LTF: variants seen among roughly 807,000 people sequenced by gnomAD.
The protein encoded by LTF is epididymis luminal protein 110.
LTF carries 91 observed loss-of-function variants against 87.2 expected under a neutral mutation model. That is an observed-to-expected ratio of 1.04 (90% CI 0.88 to 1.24). The LOEUF is 1.24. Among genes scored for constraint, LTF ranks in the 50% most tolerant of loss-of-function variants. The pLI, the probability that LTF is intolerant of heterozygous loss-of-function variation, is 0.00. For missense variants in LTF, 901 were observed against 904.3 expected (o/e 1.00, Z 0.05); for synonymous variants, 378 against 356.1 (o/e 1.06, Z -0.69).
At position 46,436,073 on chromosome 3, in the gene LTF, A is replaced by G. The variant is rs1233969394; in HGVS notation, c.*122T>C. ...AAGACGACAGCAGGGAATTGTAAGCAGATGGATGGGCAATCCCCACCTTCA... is the reference window on the plus strand; with the variant it reads ...AAGACGACAGCAGGGAATTGTAAGCGGATGGATGGGCAATCCCCACCTTCA... On this transcript the variant is annotated 3_prime_UTR_variant, in exon 17 of 17. Transcript: ENST00000231751. 5 of 874,512 alleles carry G rather than the reference A, an allele frequency of 5.7e-6. No homozygotes were observed. Among genetic ancestry groups the G allele is most frequent in the Admixed American group, 2.0e-5 (1 of 49,678 alleles). The allele number at this position is 874,512 out of a possible 1,614,324, so 54.2% of individuals were successfully genotyped here.
At chr3:46,447,487 G>C (rs1702685084) in intron 9 of LTF, 89 bp from the exon 10 acceptor site, 6 of 909,572 alleles carry the variant, frequency 6.6e-6, no homozygotes, top group Non-Finnish European at 1.1e-5. Flanking sequence ...ATGGTTTTCT[G>C]TCAGGTGACC....
chr3:46,482,815 GAAAGAA>G (rs1703468006), intron 1 of LTF, among the ~76,000 whole-genome samples: 1 of 148,408 alleles, frequency 6.7e-6, no homozygotes, highest in Non-Finnish European at 1.5e-5. Flanking sequence ...AAGAAAGAAA[GAAAGAA>G]AGAGAAAGGG....
intron 7 of LTF, among the ~76,000 whole-genome samples, chr3:46,450,284 C>A (rs1702771029): frequency 6.6e-6 from 1 of 152,072 alleles, no homozygotes; most frequent in Non-Finnish European, 1.5e-5. Flanking sequence ...TGCTTCTGCT[C>A]CCATCATAAG....
chr3:46,463,749 A>G, intron 1 of LTF: 1 of 606,016 alleles, frequency 1.7e-6, no homozygotes, highest in African/African-American at 2.0e-5. Context: ...ACCCTGTGCA[A>G]CAGGCCACTC....
chr3:46,453,638 T>G (rs896310012), intron 6 of LTF, among the ~76,000 whole-genome samples: 5 of 152,144 alleles, frequency 3.3e-5, no homozygotes, highest in Non-Finnish European at 7.4e-5. Context: ...TGGTCTTGCA[T>G]GAAATGTAGT....
chr3:46,445,492 G>A (rs1702631255), intron 11 of LTF, 56 bp from the exon 12 acceptor site: 1 of 1,514,702 alleles, frequency 6.6e-7, no homozygotes, highest in Non-Finnish European at 9.0e-7. Context: ...CCTGGCACAT[G>A]GATTCCAGTG....
chr3:46,480,101 C>T (rs1192017906), intron 1 of LTF, among the ~76,000 whole-genome samples: 3 of 152,144 alleles, frequency 2.0e-5, no homozygotes, highest in African/African-American at 4.8e-5. Context: ...TGACAGACCC[C>T]GGACACCCAG....
chr3:46,447,219 G>C (rs1702676637), intron 10 of LTF, 89 bp downstream of exon 10: 2 of 884,720 alleles, frequency 2.3e-6, no homozygotes, highest in Non-Finnish European at 3.8e-6. Flanking sequence ...TCATCATAAT[G>C]TTTCACCTGC....
chr3:46,468,017 C>T (rs1414370349), upstream of LTF, among the ~76,000 whole-genome samples: 1 of 152,214 alleles, frequency 6.6e-6, no homozygotes, highest in African/African-American at 2.4e-5. Flanking sequence ...TTCCACCAAA[C>T]CCACCAAAGA....
intron 1 of LTF, among the ~76,000 whole-genome samples, chr3:46,472,488 T>TG (rs1703304601): frequency 2.2e-4 from 23 of 106,926 alleles, no homozygotes; most frequent in Non-Finnish European, 3.4e-4. Context: ...GAAAAGATTA[T>TG]TGTGTGTGTG....
At chr3:46,468,030 C>T (rs1201697483), upstream of LTF, among the ~76,000 whole-genome samples, 2 of 152,190 alleles carry the variant, frequency 1.3e-5, no homozygotes, top group Non-Finnish European at 1.5e-5. Flanking sequence ...ACCAAAGAGC[C>T]GCAGAGGCAC....
At chr3:46,475,975 A>C (rs1454779294) in intron 1 of LTF, among the ~76,000 whole-genome samples, 1 of 152,182 alleles carries the variant, frequency 6.6e-6, no homozygotes, top group Non-Finnish European at 1.5e-5. Flanking sequence ...GATTTCCTTC[A>C]TTCAACATTC....
At chr3:46,441,899 CAGAGAGAGAGAG>C (rs71622508) in intron 13 of LTF, 26 of 101,664 alleles carry the variant, frequency 2.6e-4, no homozygotes, top group South Asian at 6.8e-4. Context: ...TGATAGCACC[CAGAGAGAGAGAG>C]AGAGAGAGAG....
intron 1 of LTF, among the ~76,000 whole-genome samples, chr3:46,472,289 T>C (rs1703300973): frequency 6.6e-6 from 1 of 151,700 alleles, no homozygotes; most frequent in African/African-American, 2.4e-5. Context: ...CTACAGAGAG[T>C]TCTCATCCAG....
intron 1 of LTF, chr3:46,463,734 C>T (rs1703143220): frequency 2.3e-6 from 2 of 854,736 alleles, no homozygotes; most frequent in South Asian, 5.4e-5. Context: ...TCCCAGGTGG[C>T]CCTAACCCTG....
At chr3:46,460,582 G>A (rs949641672) in intron 1 of LTF, 4 of 455,476 alleles carry the variant, frequency 8.8e-6, no homozygotes, top group Middle Eastern at 3.7e-4. Context: ...CCTGATAAAA[G>A]GCATCCACAA....
At chr3:46,476,443 G>A (rs1267577661) in intron 1 of LTF, among the ~76,000 whole-genome samples, 1 of 152,062 alleles carries the variant, frequency 6.6e-6, no homozygotes, top group Admixed American at 6.6e-5. Context: ...TTTTCTCTTT[G>A]GTTATGAATC....
intron 1 of LTF, among the ~76,000 whole-genome samples, chr3:46,480,291 T>C (rs546203397): frequency 6.6e-6 from 1 of 152,360 alleles, no homozygotes; most frequent in East Asian, 1.9e-4. Context: ...CTGGGGTTTG[T>C]AGAATGCTCT....
chr3:46,448,988 G>A lies in LTF; in HGVS notation c.1087C>T (p.Arg363Trp), dbSNP rs763164407. Residue 363 changes from arginine to tryptophan, a missense_variant, in exon 9 of 17, where the codon CGG (arginine) becomes TGG (tryptophan). Arg to Trp is a moderately radical substitution (Grantham distance 101). Coordinates refer to ENST00000231751, the MANE Select transcript of LTF (RefSeq NM_002343.6). ...SEEEVAARRA[R>W]VVWCAVGEQE... is the part of the protein sequence containing the mutation. ...TCGCCCACCGCACACCACACGACCCGCGCACGCCGGGCAGCCACTTCCTCC... is the reference window on the plus strand; with the variant it reads ...TCGCCCACCGCACACCACACGACCCACGCACGCCGGGCAGCCACTTCCTCC... 5.0e-5 allele frequency: 81 copies of A among 1,610,478 alleles called. No individual in the cohort carries two copies. Among genetic ancestry groups the A allele is most frequent in the South Asian group, 9.9e-5 (9 of 90,800 alleles).
Sources: gnomAD v4.1 joint callset for allele counts (sites outside exome capture counted in the v4.1 genomes callset) on GRCh38, gnomAD v4.1.1 for gene constraint, MANE v1.5 for transcripts, NCBI Gene and HGNC (gene_info 2026-07-23, HGNC 2026-07-21) for gene names.